ABCC5: variants seen among roughly 807,000 people sequenced by gnomAD.
ABCC5 encodes ATP binding cassette subfamily C member 5, also known as ATP-binding cassette sub-family C member 5.
In ABCC5, 61 loss-of-function variants were observed where a neutral mutation model predicts 160.9. The ratio of observed to expected loss-of-function variants is 0.38; its 90% CI spans 0.31 to 0.47. The LOEUF is 0.47. Ranked by LOEUF, ABCC5 falls within the 20% of genes least tolerant of loss-of-function variation. The pLI, the probability that ABCC5 is intolerant of heterozygous loss-of-function variation, is 0.99. For missense variants in ABCC5, 1,308 were observed against 1,813.3 expected (o/e 0.72, Z 5.06); for synonymous variants, 666 against 700.6 (o/e 0.95, Z 0.78).
Position 183,963,316 on chromosome 3 carries a change from A to G in ABCC5, c.2235+69T>C, listed in dbSNP as rs74426779. On this transcript the variant is annotated intron_variant, in intron 15 of 29. Coordinates refer to ENST00000334444, the MANE Select transcript of ABCC5 (RefSeq NM_005688.4). The surrounding 1 kb of genome is among the most constrained non-coding windows in gnomAD (Gnocchi z 4.6). ...CTAGTTATAACACAAGGATACCTGG[A>G]GCAAACCTACCTCCCTGTTTCTGAT... 3.5e-3 allele frequency: 5,324 copies of G among 1,533,262 alleles called. 177 individuals carry two copies. The African/African-American group carries it at 0.062, about 18-fold the overall frequency. The allele number at this position is 1,533,262 out of a possible 1,614,324, so 95.0% of individuals were successfully genotyped here.
chr3:183,985,530 G>T (rs1243194175), intron 5 of ABCC5: 1 of 770,520 alleles, frequency 1.3e-6, no homozygotes, highest in Non-Finnish European at 2.4e-6. Context: ...TCCCCAAAAG[G>T]CCCTCGAGCA....
chr3:183,953,330 G>A, intron 17 of ABCC5, 60 bp from the exon 18 acceptor site: 1 of 1,479,158 alleles, frequency 6.8e-7, no homozygotes. Context: ...ATAAAACTAA[G>A]TCACCTGCAG....
intron 24 of ABCC5, among the ~76,000 whole-genome samples, chr3:183,944,372 G>C (rs1273959252): frequency 6.6e-6 from 1 of 151,500 alleles, no homozygotes; most frequent in Non-Finnish European, 1.5e-5. Flanking sequence ...TCAAGCCTGG[G>C]TGACAATAAG....
intron 5 of ABCC5, chr3:183,983,982 A>G (rs1718973755): frequency 1.7e-5 from 17 of 985,434 alleles, no homozygotes; most frequent in Non-Finnish European, 2.0e-5. Flanking sequence ...CCAGAGTCCA[A>G]AGTAGTATAT....
intron 5 of ABCC5, among the ~76,000 whole-genome samples, 168 bp from the exon 6 acceptor site, chr3:183,983,175 C>T (rs1427631516): frequency 6.6e-6 from 1 of 152,266 alleles, no homozygotes; most frequent in Non-Finnish European, 1.5e-5. Context: ...CAGTAACTTA[C>T]TCAGGGCATT....
intron 18 of ABCC5, 139 bp from the exon 19 acceptor site, chr3:183,952,142 CT>C: frequency 3.4e-6 from 2 of 586,470 alleles, no homozygotes; most frequent in Non-Finnish European, 5.2e-6. Context: ...CTTTGTCCAC[CT>C]CTTTTTTTTT....
chr3:184,000,187 C>T (rs73048468), intron 2 of ABCC5, among the ~76,000 whole-genome samples: 2,306 of 151,574 alleles, frequency 0.015, 40 homozygotes, highest in African/African-American at 0.054. Context: ...GATGAAACCC[C>T]GCCTGTACAA....
Position 184,014,082 on chromosome 3 carries a change from AG to A in ABCC5, c.129+181del, listed in dbSNP as rs200353289. ...GAGACAGGTTTTCACCATGTTGGTC[AG>A]GCTGGTCTCGAACTCCTGACCTCAG... On this transcript the variant is annotated intron_variant, in intron 2 of 29. Coordinates refer to ENST00000334444, the MANE Select transcript of ABCC5 (RefSeq NM_005688.4). Among the ~76,000 whole-genome samples, 55 of 152,316 alleles carry A rather than the reference AG, an allele frequency of 3.6e-4. No homozygotes were observed. In the East Asian group the frequency reaches 9.1e-3, roughly 25 times the overall value.
chr3:183,949,777 T>C lies in ABCC5; in HGVS notation c.3203A>G (p.Asn1068Ser), dbSNP rs28365015. ...IQGLATIHAY[N>S]KGQEFLHRYQ... ...CCTGTGCAGAAACTCCTGCCCTTTA[T>C]TGTAGGCGTGGATGGTGGCAAGGCC... Residue 1068 changes from asparagine to serine, a missense_variant, in exon 22 of 30, where the codon AAT becomes AGT. Physicochemically the swap from Asn to Ser is conservative, Grantham distance 46. Around this residue, in one of 3 missense-constraint regions of ABCC5, gnomAD observed 1,142 missense variants for 1,527.1 expected, o/e 0.75. Transcript: ENST00000334444. This position sits in a 1 kb window ranked among gnomAD's most constrained non-coding sequence, Gnocchi z 4.2. The C allele has an allele frequency of 6.8e-4, 1,090 of 1,614,136 alleles. 24 individuals are homozygous for C. The Middle Eastern group carries it at 0.015, about 23-fold the overall frequency.
intron 29 of ABCC5, among the ~76,000 whole-genome samples, chr3:183,924,507 CT>C (rs1338353713): frequency 6.6e-6 from 1 of 152,176 alleles, no homozygotes; most frequent in Non-Finnish European, 1.5e-5. Context: ...GTAGCTGTCA[CT>C]GTGGGAGCTT....
In ABCC5 at chr3:183,984,724, G is replaced by T. The variant is rs1719047124; in HGVS notation, c.592-1717C>A. The T allele has an allele frequency of 3.9e-6, 6 of 1,532,098 alleles. No individual in the cohort carries two copies. The South Asian group carries it at 7.2e-5, about 18-fold the overall frequency. 94.9% of individuals were successfully genotyped at this position (1,532,098 alleles called of 1,614,324 possible). On this transcript the variant is annotated intron_variant, in intron 5 of 29. Coordinates refer to ENST00000334444, the MANE Select transcript of ABCC5 (RefSeq NM_005688.4). The stretch of plus-strand genomic sequence containing the variant: ...ACCACTGTATACAGCCGGGTTGCTG[G>T]TTTACTAGCAAGAAGATTGGCTTCT...
At chr3:183,971,518 G>T in intron 11 of ABCC5, 45 bp downstream of exon 11, 1 of 1,552,800 alleles carries the variant, frequency 6.4e-7, no homozygotes, top group Non-Finnish European at 8.8e-7. Context: ...AGATCAGCAT[G>T]GGGTGGTGGG....
chr3:183,945,861 G>A lies in ABCC5; in HGVS notation c.3493C>T (p.His1165Tyr), dbSNP rs752637397. 21 of 1,613,902 alleles carry A rather than the reference G, an allele frequency of 1.3e-5. No homozygotes were observed. Among genetic ancestry groups the A allele is most frequent in the Non-Finnish European group, 1.7e-5 (20 of 1,179,908 alleles). The change falls in exon 24 of 30, where the codon CAC (histidine) becomes TAC (tyrosine). Residue 1165 changes from histidine to tyrosine, a missense_variant. Around this residue, in one of 3 missense-constraint regions of ABCC5, gnomAD observed 1,142 missense variants for 1,527.1 expected, o/e 0.75. Coordinates refer to ENST00000334444, the MANE Select transcript of ABCC5 (RefSeq NM_005688.4). ...ARFTSVERINHYIKTLSLEAP... is the reference protein window; with the variant it reads ...ARFTSVERINYYIKTLSLEAP... ...TACAGCAGTCTGACCTTAATGTAGTGATTGATCCTCTCCACCGAGGTGAAT... is the reference window on the plus strand; with the variant it reads ...TACAGCAGTCTGACCTTAATGTAGTAATTGATCCTCTCCACCGAGGTGAAT...
At chr3:184,001,490 G>A (rs573173727) in intron 2 of ABCC5, among the ~76,000 whole-genome samples, 3 of 152,190 alleles carry the variant, frequency 2.0e-5, no homozygotes, top group South Asian at 4.2e-4. Flanking sequence ...TGTGTCGCAC[G>A]GTGCAGCCCA....
intron 1 of ABCC5, among the ~76,000 whole-genome samples, chr3:184,016,940 T>C (rs1356572469): frequency 6.6e-6 from 1 of 151,864 alleles, no homozygotes; most frequent in African/African-American, 2.4e-5. Context: ...CATGAGTAGG[T>C]TTCCATCACC....
At chr3:183,995,969 G>A (rs532197512) in intron 2 of ABCC5, among the ~76,000 whole-genome samples, 4 of 151,934 alleles carry the variant, frequency 2.6e-5, no homozygotes, top group Non-Finnish European at 5.9e-5. Flanking sequence ...CACCACGCCC[G>A]GCTAATTTTT....
At chr3:184,015,144 A>G (rs891828359) in intron 1 of ABCC5, among the ~76,000 whole-genome samples, 1 of 152,218 alleles carries the variant, frequency 6.6e-6, no homozygotes, top group African/African-American at 2.4e-5. Context: ...CATGTCATAT[A>G]AATCCTATGG....
At chr3:183,958,551 A>C (rs1209345594) in intron 17 of ABCC5, among the ~76,000 whole-genome samples, 1 of 152,168 alleles carries the variant, frequency 6.6e-6, no homozygotes, top group Non-Finnish European at 1.5e-5. Flanking sequence ...TCAAAATCTC[A>C]TACCTGAATT....
In ABCC5 at chr3:183,977,686, C is replaced by T. The variant is rs1718342121; in HGVS notation, c.1297-62G>A. The T allele has an allele frequency of 2.5e-5, 30 of 1,181,688 alleles. No homozygotes were observed. In the South Asian group the frequency reaches 3.9e-4, roughly 15 times the overall value. The allele number at this position is 1,181,688 out of a possible 1,614,324, so 73.2% of individuals were successfully genotyped here. A position where few individuals can be genotyped will look rare whatever the true frequency, so the allele number is the denominator to read the frequency against. On this transcript the variant is annotated intron_variant, in intron 9 of 29. Coordinates refer to ENST00000334444, the MANE Select transcript of ABCC5 (RefSeq NM_005688.4). The stretch of plus-strand genomic sequence containing the variant: ...ATGCTATGCAACTGAAGTAACCTGA[C>T]ACCATGAATTTCCTCTCAGGCGCTA...
Sources: allele counts gnomAD v4.1 joint callset (sites outside exome capture counted in the v4.1 genomes callset), GRCh38; gene constraint gnomAD v4.1.1; regional missense constraint gnomAD v4.1.1; non-coding constraint Gnocchi (gnomAD v3.1); transcripts MANE v1.5; gene names NCBI Gene and HGNC (gene_info 2026-07-23, HGNC 2026-07-21).